Variants in THSD4 observed in about 807,000 individuals in gnomAD.
The protein encoded by THSD4 is thrombospondin type-1 domain-containing protein 4.
In THSD4, 69 loss-of-function variants were observed where a neutral mutation model predicts 119.0. The ratio of observed to expected loss-of-function variants is 0.58; its 90% CI spans 0.48 to 0.71. The LOEUF (loss-of-function observed/expected upper bound fraction) is 0.71. Ranked by LOEUF, THSD4 falls within the 30% of genes least tolerant of loss-of-function variation. THSD4 has a pLI of 0.00. For missense variants in THSD4, 1,393 were observed against 1,391.1 expected (o/e 1.00, Z -0.02); for synonymous variants, 524 against 540.4 (o/e 0.97, Z 0.42).
At chr15:71,158,836 T>C (rs2043226017) in intron 3 of THSD4, among the ~76,000 whole-genome samples, 1 of 152,194 alleles carries the variant, frequency 6.6e-6, no homozygotes, top group Non-Finnish European at 1.5e-5. Context: ...TTTGATGTCA[T>C]TCCATTTGTT....
At chr15:71,149,680 T>C (rs1426232157) in intron 2 of THSD4, among the ~76,000 whole-genome samples, 3 of 152,224 alleles carry the variant, frequency 2.0e-5, no homozygotes, top group Non-Finnish European at 4.4e-5. Flanking sequence ...TCTTGGGTTG[T>C]ATTAACTGAG....
intron 6 of THSD4, among the ~76,000 whole-genome samples, chr15:71,402,274 C>T (rs1425425205): frequency 6.6e-6 from 1 of 151,922 alleles, no homozygotes; most frequent in East Asian, 1.9e-4. Context: ...TCATTATCCT[C>T]TCCCTAGACC....
intron 3 of THSD4, among the ~76,000 whole-genome samples, chr15:71,182,777 A>G (rs1170416581): frequency 1.3e-5 from 2 of 151,590 alleles, no homozygotes; most frequent in Non-Finnish European, 2.9e-5. Flanking sequence ...CTGATTTTTG[A>G]TGATGTAGGA....
intron 1 of THSD4, chr15:71,110,280 TA>T (rs2040293829): frequency 6.6e-6 from 1 of 152,242 alleles, no homozygotes; most frequent in South Asian, 2.1e-4. Context: ...AGTTTGCATT[TA>T]TTTTTTTCAT....
intron 6 of THSD4, among the ~76,000 whole-genome samples, chr15:71,410,833 A>T (rs574882447): frequency 1.3e-5 from 2 of 152,282 alleles, no homozygotes; most frequent in East Asian, 3.9e-4. Flanking sequence ...GGAGTTCAAG[A>T]CTGGCCTGGC....
intron 1 of THSD4, among the ~76,000 whole-genome samples, chr15:71,116,456 G>GT (rs1475773064): frequency 1.3e-5 from 2 of 152,188 alleles, no homozygotes; most frequent in African/African-American, 4.8e-5. Flanking sequence ...GCCCACCTAA[G>GT]TATCTGGAAT....
chr15:71,249,202 T>C (rs1431950440), intron 5 of THSD4, among the ~76,000 whole-genome samples: 1 of 152,080 alleles, frequency 6.6e-6, no homozygotes, highest in African/African-American at 2.4e-5. Flanking sequence ...CACACACACA[T>C]ATATATGTAT....
intron 17 of THSD4, among the ~76,000 whole-genome samples, chr15:71,774,360 A>G (rs977639724): frequency 6.6e-5 from 10 of 151,904 alleles, no homozygotes; most frequent in Non-Finnish European, 1.3e-4. Flanking sequence ...TCAAGCTACT[A>G]GTAATCAGAA....
chr15:71,490,702 C>T (rs1394032994), intron 7 of THSD4, among the ~76,000 whole-genome samples: 1 of 152,158 alleles, frequency 6.6e-6, no homozygotes. Flanking sequence ...GCACTCCAGC[C>T]TGGGTAACAG....
At chr15:71,494,958 C>T (rs2047987817) in intron 7 of THSD4, among the ~76,000 whole-genome samples, 1 of 152,172 alleles carries the variant, frequency 6.6e-6, no homozygotes, top group Non-Finnish European at 1.5e-5. Context: ...TAGGAAAGGT[C>T]TCCACTGACT....
intron 6 of THSD4, among the ~76,000 whole-genome samples, chr15:71,294,242 C>T (rs2044830933): frequency 6.6e-6 from 1 of 152,120 alleles, no homozygotes; most frequent in Non-Finnish European, 1.5e-5. Context: ...TCTTGTCAGT[C>T]CCAAGTGCCC....
At position 71,585,641 on chromosome 15, in the gene THSD4, C is replaced by A. The variant is rs540488586; in HGVS notation, c.1153-74889C>A. Among the ~76,000 whole-genome samples, 3 of 152,240 alleles carry A rather than the reference C, an allele frequency of 2.0e-5. No homozygotes were observed. The South Asian group carries it at 6.2e-4, about 32-fold the overall frequency. ...TATCCTTCCCAGAATTGTAAAGTTTCTTGTCATTATTTCTCTAAACAAGTT... is the reference window on the plus strand; with the variant it reads ...TATCCTTCCCAGAATTGTAAAGTTTATTGTCATTATTTCTCTAAACAAGTT... On this transcript the variant is annotated intron_variant, in intron 7 of 17. Coordinates refer to ENST00000261862, the MANE Select transcript of THSD4 (RefSeq NM_024817.3).
intron 7 of THSD4, among the ~76,000 whole-genome samples, chr15:71,658,725 A>C (rs537770652): frequency 6.6e-6 from 1 of 152,158 alleles, no homozygotes; most frequent in Non-Finnish European, 1.5e-5. Flanking sequence ...GATTTGAGGG[A>C]GGAGAAATAC....
chr15:71,365,131 T>TTGTG (rs10690804), intron 6 of THSD4, among the ~76,000 whole-genome samples: 12,088 of 135,818 alleles, frequency 0.089, 674 homozygotes, highest in East Asian at 0.21. Context: ...GCCCCCCCCA[T>TTGTG]TGTGTGTGTG....
chr15:71,661,380 G>A (rs1281978366), intron 8 of THSD4, among the ~76,000 whole-genome samples: 4 of 151,478 alleles, frequency 2.6e-5, no homozygotes, highest in Non-Finnish European at 5.9e-5. Context: ...CAAGCCAATC[G>A]AACACATTAT....
intron 6 of THSD4, among the ~76,000 whole-genome samples, chr15:71,264,495 T>G (rs1368452455): frequency 1.3e-5 from 2 of 152,220 alleles, no homozygotes; most frequent in Admixed American, 1.3e-4. Flanking sequence ...AACCTCTTTG[T>G]GAAAACAAAA....
chr15:71,777,380 C>T lies in THSD4; in HGVS notation c.*6C>T. 6.2e-7 allele frequency: 1 copy of T among 1,612,500 alleles called. No homozygotes were observed. Among genetic ancestry groups the T allele is most frequent in the Non-Finnish European group, 8.5e-7 (1 of 1,179,578 alleles). On this transcript the variant is annotated 3_prime_UTR_variant, in exon 18 of 18. Transcript: ENST00000261862. ...GCTTCCTGGGGAGCAGATAACACTC[C>T]TGCACCCCCATCAGTAGGGCAGCAT...
Position 71,523,592 on chromosome 15 carries a change from G to C in THSD4, c.1152+111769G>C, listed in dbSNP as rs563057897. 9.8e-5 allele frequency among the ~76,000 whole-genome samples: 15 copies of C among 152,306 alleles called. No homozygotes were observed. The South Asian group carries it at 1.9e-3, about 19-fold the overall frequency. ...ATGTATTAGGAAGATGGTTTGACAG[G>C]GGGAGTGTGATAGCAAGGGTAGGGT... is the stretch of plus-strand genomic sequence containing the variant. On this transcript the variant is annotated intron_variant, in intron 7 of 17. Transcript: ENST00000261862.
chr15:71,467,043 C>A (rs2047510617), intron 7 of THSD4, among the ~76,000 whole-genome samples: 1 of 152,188 alleles, frequency 6.6e-6, no homozygotes, highest in Admixed American at 6.5e-5. Context: ...AATGGAAAGG[C>A]CTAGGAGATC....
Sources: allele counts gnomAD v4.1 joint callset (sites outside exome capture counted in the v4.1 genomes callset), GRCh38; gene constraint gnomAD v4.1.1; transcripts MANE v1.5; gene names NCBI Gene and HGNC (gene_info 2026-07-23, HGNC 2026-07-21).